TBCK: variants seen among roughly 807,000 people sequenced by gnomAD.
TBCK encodes TBC1 domain containing kinase, also known as TBC domain-containing protein kinase-like protein.
In TBCK, 99 loss-of-function variants were observed where a neutral mutation model predicts 113.4. The observed-to-expected ratio is 0.87, with a 90% CI of 0.74 to 1.03. The LOEUF (loss-of-function observed/expected upper bound fraction) is 1.03, where lower values mean the gene tolerates loss of function less well. TBCK is among the 50% of genes least tolerant of loss of function. The pLI is 0.00. For missense variants in TBCK, 1,045 were observed against 1,061.3 expected (o/e 0.98, Z 0.21); for synonymous variants, 369 against 370.8 (o/e 1.00, Z 0.05).
intron 15 of TBCK, among the ~76,000 whole-genome samples, chr4:106,233,983 T>C (rs922619301): frequency 5.9e-5 from 9 of 152,038 alleles, no homozygotes; most frequent in Non-Finnish European, 1.2e-4. Context: ...AACCTTGTTA[T>C]GTTATATCTA....
intron 3 of TBCK, among the ~76,000 whole-genome samples, chr4:106,287,536 C>T (rs1283565754): frequency 5.3e-5 from 8 of 152,172 alleles, no homozygotes; most frequent in African/African-American, 1.7e-4. Flanking sequence ...CCTGTGTAAA[C>T]TAACAGGATA....
chr4:106,136,932 A>G lies in TBCK; in HGVS notation c.2236-20554T>C, dbSNP rs763836952. On this transcript the variant is annotated intron_variant, in intron 23 of 25. Transcript: ENST00000394708. ...AGAGCCTGTATAGGAAAATACAGAA[A>G]GAGAAAATATACAGGAGTTAAAGGT... is the stretch of plus-strand genomic sequence containing the variant. Among the ~76,000 whole-genome samples the G allele has an allele frequency of 9.2e-5, 13 of 141,736 alleles. 1 individual carries two copies. The highest frequency in any genetic ancestry group is 4.9e-4 in the Admixed American group (7 of 14,370). 93.0% of individuals were successfully genotyped at this position (141,736 alleles called of 152,430 possible).
intron 19 of TBCK, among the ~76,000 whole-genome samples, chr4:106,215,145 C>A (rs1400919495): frequency 1.3e-5 from 2 of 151,636 alleles, no homozygotes; most frequent in African/African-American, 2.4e-5. Context: ...AAATAAAATA[C>A]TTTACAGACA....
At chr4:106,304,857 T>C (rs1767337351) in intron 2 of TBCK, among the ~76,000 whole-genome samples, 2 of 152,204 alleles carry the variant, frequency 1.3e-5, no homozygotes, top group Non-Finnish European at 2.9e-5. Flanking sequence ...GACTCTTATC[T>C]ACATAACAAA....
intron 17 of TBCK, 75 bp downstream of exon 17, chr4:106,232,863 T>G: frequency 7.1e-7 from 1 of 1,413,818 alleles, no homozygotes; most frequent in South Asian, 1.3e-5. Flanking sequence ...GTTTAGATAT[T>G]TTAATTTTTT....
Position 106,219,555 on chromosome 4 carries a change from T to A in TBCK, c.1775-6720A>T, listed in dbSNP as rs182279255. The stretch of plus-strand genomic sequence containing the variant: ...GAAATATGAGGAATATGTTCATTTT[T>A]TTCATTCTTCCAAAGTTACTATTCT... On this transcript the variant is annotated intron_variant, in intron 19 of 25. Transcript: ENST00000394708. 2.3e-3 allele frequency among the ~76,000 whole-genome samples: 353 copies of A among 152,234 alleles called. 1 individual carries two copies. Among genetic ancestry groups the A allele is most frequent in the African/African-American group, 8.1e-3 (338 of 41,550 alleles).
At chr4:106,307,859 G>A (rs921644515) in intron 2 of TBCK, among the ~76,000 whole-genome samples, 2 of 151,786 alleles carry the variant, frequency 1.3e-5, no homozygotes, top group African/African-American at 2.4e-5. Context: ...TACTAAAAAC[G>A]CAGTAAACAT....
chr4:106,212,643 C>G (rs574922713), intron 20 of TBCK, 107 bp downstream of exon 20: 2 of 684,364 alleles, frequency 2.9e-6, no homozygotes, highest in Non-Finnish European at 4.9e-6. Flanking sequence ...GTAACTTGTT[C>G]AGATATGCAC....
chr4:106,308,163 T>G (rs1190473464), intron 2 of TBCK, among the ~76,000 whole-genome samples: 1 of 152,188 alleles, frequency 6.6e-6, no homozygotes, highest in Non-Finnish European at 1.5e-5. Context: ...TTCTCAGATC[T>G]GAGAAACATT....
chr4:106,068,615 G>A (rs919091197), intron 25 of TBCK, among the ~76,000 whole-genome samples: 1 of 152,196 alleles, frequency 6.6e-6, no homozygotes, highest in African/African-American at 2.4e-5. Context: ...ACATACGTGT[G>A]CATGCATCTT....
At chr4:106,314,845 G>T (rs1041165564) in intron 1 of TBCK, among the ~76,000 whole-genome samples, 1 of 151,592 alleles carries the variant, frequency 6.6e-6, no homozygotes, top group Admixed American at 6.6e-5. Context: ...GGCTGGTCTT[G>T]AACTCCTGAC....
chr4:106,059,642 A>G (rs1156808564), intron 25 of TBCK, among the ~76,000 whole-genome samples: 1 of 151,612 alleles, frequency 6.6e-6, no homozygotes, highest in East Asian at 1.9e-4. Context: ...ACACAAAAAT[A>G]TTAAAAATAT....
chr4:106,184,014 C>T (rs1019063808), intron 22 of TBCK, among the ~76,000 whole-genome samples: 2 of 151,978 alleles, frequency 1.3e-5, no homozygotes, highest in Non-Finnish European at 2.9e-5. Flanking sequence ...CATTATAATT[C>T]TCCCTAATAA....
chr4:106,171,543 C>T (rs1462002053), intron 22 of TBCK, among the ~76,000 whole-genome samples: 1 of 152,022 alleles, frequency 6.6e-6, no homozygotes, highest in Non-Finnish European at 1.5e-5. Flanking sequence ...TCTACATATA[C>T]ATATGTATAT....
chr4:106,309,548 C>T (rs929546640), intron 1 of TBCK, among the ~76,000 whole-genome samples: 11 of 151,944 alleles, frequency 7.2e-5, no homozygotes, highest in East Asian at 3.9e-4. Context: ...GTGATCCACC[C>T]GCCTCGGCCT....
chr4:106,265,564 CAGAGAG>C (rs1762923897), intron 3 of TBCK, among the ~76,000 whole-genome samples: 1 of 151,616 alleles, frequency 6.6e-6, no homozygotes, highest in Non-Finnish European at 1.5e-5. Flanking sequence ...GGGAAAGAGA[CAGAGAG>C]AGAGTGAGAG....
At chr4:106,194,618 T>C in intron 21 of TBCK, 100 bp downstream of exon 21, 1 of 923,256 alleles carries the variant, frequency 1.1e-6, no homozygotes, top group South Asian at 1.6e-5. Context: ...AAATACTTAC[T>C]AAATCTGCTC....
intron 23 of TBCK, among the ~76,000 whole-genome samples, chr4:106,157,298 C>T (rs1165049837): frequency 6.6e-6 from 1 of 152,084 alleles, no homozygotes; most frequent in South Asian, 2.1e-4. Context: ...CCATGCTGTG[C>T]AGCCTGGGTT....
At chr4:106,246,311 A>C (rs1371252908) in intron 10 of TBCK, among the ~76,000 whole-genome samples, 1 of 152,198 alleles carries the variant, frequency 6.6e-6, no homozygotes, top group South Asian at 2.1e-4. Flanking sequence ...AATTGAATGA[A>C]TGTTTAGTAA....
Sources: gnomAD v4.1 joint callset for allele counts (sites outside exome capture counted in the v4.1 genomes callset) on GRCh38, gnomAD v4.1.1 for gene constraint, MANE v1.5 for transcripts, NCBI Gene and HGNC (gene_info 2026-07-23, HGNC 2026-07-21) for gene names.